Variants in TTN observed in about 807,000 individuals in gnomAD.
The protein encoded by TTN is titin, also known as connectin.
In TTN, 1,525 loss-of-function variants were observed where a neutral mutation model predicts 3,223.0. The ratio of observed to expected loss-of-function variants is 0.47; its 90% CI spans 0.45 to 0.49. The LOEUF (loss-of-function observed/expected upper bound fraction) is 0.49. Among genes scored for constraint, TTN ranks in the 20% least tolerant of loss-of-function variants. The probability of loss-of-function intolerance (pLI) is 0.00; values close to 1 mark genes in which losing one functional copy is unlikely to be tolerated. For missense variants in TTN, 40,786 were observed against 43,424.0 expected (o/e 0.94, Z 5.40); for synonymous variants, 14,094 against 15,161.0 (o/e 0.93, Z 5.17).
In TTN at chr2:178,594,507, C is replaced by A. The variant is rs375818281; in HGVS notation, c.57987G>T (p.Glu19329Asp). The change falls in exon 296 of 363, where the codon GAG (glutamate) becomes GAT (aspartate). Residue 19329 changes from glutamate to aspartate, a missense_variant. By Grantham distance (45) the Glu-to-Asp change is conservative. Coordinates refer to ENST00000589042, the MANE Select transcript of TTN (RefSeq NM_001267550.2). ...TGTCATTTGTAACTTTGTGGAACTT[C>A]TCAGTCCCAATGAGCCGACTTTCTA... ...YVLESRLIGT[E>D]KFHKVTNDNL... 2.5e-6 allele frequency: 4 copies of A among 1,613,260 alleles called. No individual in the cohort carries two copies. The African/African-American group carries it at 5.3e-5, about 22-fold the overall frequency.
chr2:178,562,923 T>C lies in TTN; in HGVS notation c.83209A>G (p.Thr27737Ala), dbSNP rs764871079. 3.1e-6 allele frequency: 5 copies of C among 1,613,590 alleles called. No homozygotes were observed. In the East Asian group the frequency reaches 8.9e-5, roughly 29 times the overall value. The change falls in exon 326 of 363, where the codon ACC (threonine) becomes GCC (alanine). Residue 27737 changes from threonine (T) to alanine (A), a missense_variant. By Grantham distance (58) the Thr-to-Ala change is moderately conservative. Transcript: ENST00000589042. ...SFTMLVIDNV[T>A]RFDSGRYNLT... ...TTATACCGACCACTGTCAAATCTGG[T>C]AACATTATCAATCACCAACATTGTA...
In TTN at chr2:178,636,435, G is replaced by C. The variant is rs1417225547; in HGVS notation, c.41292C>G (p.Asn13764Lys). The C allele has an allele frequency of 1.2e-6, 2 of 1,611,156 alleles. No homozygotes were observed. The highest frequency in any genetic ancestry group is 3.3e-5 in the Admixed American group (2 of 59,760). Reference protein sequence around the residue: ...GEYTCVLRLGNKEKTSTAKLV... With the variant: ...GEYTCVLRLGKKEKTSTAKLV... Reference sequence around the variant, plus strand: ...GTTTAGCCGTGGAGGTCTTTTCTTTGTTTCCCAAACGTAAAACACAGGTGT... The same window carrying C: ...GTTTAGCCGTGGAGGTCTTTTCTTTCTTTCCCAAACGTAAAACACAGGTGT... Residue 13764 changes from asparagine (N) to lysine (K), a missense_variant, in exon 225 of 363, where the codon AAC becomes AAG. By Grantham distance (94) the Asn-to-Lys change is moderately conservative. Coordinates refer to ENST00000589042, the MANE Select transcript of TTN (RefSeq NM_001267550.2). The surrounding 1 kb of genome is among the most constrained non-coding windows in gnomAD (Gnocchi z 4.3).
chr2:178,613,403 G>T, intron 263 of TTN, 127 bp from the exon 264 acceptor site: 1 of 815,686 alleles, frequency 1.2e-6, no homozygotes, highest in Non-Finnish European at 1.9e-6. Context: ...TAACTGAAAA[G>T]CACTTCAATA....
At chr2:178,685,046 T>C (rs912378823) in intron 129 of TTN, 57 bp from the exon 130 acceptor site, 11 of 1,397,140 alleles carry the variant, frequency 7.9e-6, no homozygotes, top group African/African-American at 4.3e-5. Context: ...AGTGACACAG[T>C]TGTGGGGCTT....
Position 178,564,785 on chromosome 2 carries a change from C to T in TTN, c.81347G>A (p.Ser27116Asn), listed in dbSNP as rs1234317183. ...GYHLEQKEKNSILWVKLNKTP... is the reference protein window; with the variant it reads ...GYHLEQKEKNNILWVKLNKTP... Reference sequence around the variant, plus strand: ...CTTATTTAACTTGACCCATAAAATACTGTTCTTTTCTTTCTGTTCAAGATG... The same window carrying T: ...CTTATTTAACTTGACCCATAAAATATTGTTCTTTTCTTTCTGTTCAAGATG... The change falls in exon 326 of 363, where the codon AGT (serine) becomes AAT (asparagine). Residue 27116 changes from serine (S) to asparagine (N), a missense_variant. Ser to Asn is a conservative substitution (Grantham distance 46). Coordinates refer to ENST00000589042, the MANE Select transcript of TTN (RefSeq NM_001267550.2). 6 of 1,612,026 alleles carry T rather than the reference C, an allele frequency of 3.7e-6. No individual in the cohort carries two copies. The highest frequency in any genetic ancestry group is 1.7e-5 in the Admixed American group (1 of 59,742).
chr2:178,558,217 A>T lies in TTN; in HGVS notation c.87137T>A (p.Met29046Lys). 1.2e-6 allele frequency: 2 copies of T among 1,606,946 alleles called. No individual in the cohort carries two copies. The highest frequency in any genetic ancestry group is 1.7e-6 in the Non-Finnish European group (2 of 1,178,358). Residue 29046 changes from methionine (M) to lysine (K), a missense_variant, in exon 328 of 363, where the codon ATG becomes AAG. Met to Lys is a moderately conservative substitution (Grantham distance 95). Transcript: ENST00000589042. ...KEQLEPPEID[M>K]KNFPSHTVYV... ...TACAGTGTGACTTGGGAAATTCTTC[A>T]TATCAATTTCAGGTGGTTCTGAAAA...
intron 157 of TTN, 24 bp downstream of exon 157, chr2:178,670,194 T>C (rs763089819): frequency 7.6e-5 from 107 of 1,405,458 alleles, no homozygotes; most frequent in Middle Eastern, 1.9e-4. Flanking sequence ...TTTATATTAA[T>C]GATGAATGAG....
rs370096570 is a variant in TTN at position 178,532,795 on chromosome 2, G to A, written c.103820C>T (p.Pro34607Leu). ...GTATTGATCTGTAATGCGTGGAAGAGGCATCACATAGAACTGTTCCCATCT... is the reference window on the plus strand; with the variant it reads ...GTATTGATCTGTAATGCGTGGAAGAAGCATCACATAGAACTGTTCCCATCT... ...LSRWEQFYVMPLPRITDQYRP... is the reference protein window; with the variant it reads ...LSRWEQFYVMLLPRITDQYRP... Residue 34607 changes from proline (P) to leucine (L), a missense_variant, in exon 358 of 363, where the codon CCT (proline) becomes CTT (leucine). Physicochemically the swap from Pro to Leu is moderately conservative, Grantham distance 98 (BLOSUM62 -3). Transcript: ENST00000589042. 6.8e-6 allele frequency: 11 copies of A among 1,613,820 alleles called. No homozygotes were observed. The highest frequency in any genetic ancestry group is 8.5e-6 in the Non-Finnish European group (10 of 1,179,872).
chr2:178,636,580 A>G lies in TTN; in HGVS notation c.41147T>C (p.Ile13716Thr). The G allele has an allele frequency of 1.2e-6, 2 of 1,613,466 alleles. No individual in the cohort carries two copies. Among genetic ancestry groups the G allele is most frequent in the South Asian group, 2.2e-5 (2 of 91,076 alleles). The stretch of plus-strand genomic sequence containing the variant: ...GCTACCGTCTTTCATCCAGGTTGTA[A>G]TTGCAGTGGAAGGGGAGACCAAACA... ...FECLVSPSTA[I>T]TTWMKDGSNI... The change falls in exon 225 of 363, where the codon ATT becomes ACT. Residue 13716 changes from isoleucine (I) to threonine (T), a missense_variant. Coordinates refer to ENST00000589042, the MANE Select transcript of TTN (RefSeq NM_001267550.2). This position sits in a 1 kb window ranked among gnomAD's most constrained non-coding sequence, Gnocchi z 4.3.
rs754992982 is a variant in TTN at position 178,597,600 on chromosome 2, T to C, written c.57482A>G (p.Tyr19161Cys). 2 of 1,613,186 alleles carry C rather than the reference T, an allele frequency of 1.2e-6. No homozygotes were observed. Among genetic ancestry groups the C allele is most frequent in the South Asian group, 2.2e-5 (2 of 91,076 alleles). Reference protein sequence around the residue: ...KNCQRSHQGVYSLLAKNEAGE... With the variant: ...KNCQRSHQGVCSLLAKNEAGE... ...GGCTTCATTTTTGGCAAGAAGAGAA[T>C]AGACGCCTTGATGGCTCCTCTGGCA... Residue 19161 changes from tyrosine (Y) to cysteine (C), a missense_variant, in exon 294 of 363, where the codon TAT becomes TGT. By Grantham distance (194) the Tyr-to-Cys change is radical. Transcript: ENST00000589042.
intron 332 of TTN, 112 bp downstream of exon 332, chr2:178,554,341 G>GA (rs1420126806): frequency 1.3e-5 from 18 of 1,416,142 alleles, no homozygotes; most frequent in Non-Finnish European, 1.6e-5. Context: ...TTGTGAAAAG[G>GA]ATGGTAATGA....
In TTN at chr2:178,605,072, C is replaced by T. The variant is rs371155050; in HGVS notation, c.54105G>A (p.Ala18035=). ...EAKTELSIPK[A]VREDKGTYTV... ...TGTAAGTGCCTTTGTCCTCCCGGAC[C>T]GCTTTGGGAATGCTAAGCTCAGTTT... The change falls in exon 280 of 363, where the codon GCG becomes GCA. Residue 18035 remains alanine (A), a synonymous_variant. Coordinates refer to ENST00000589042, the MANE Select transcript of TTN (RefSeq NM_001267550.2). 197 of 1,612,550 alleles carry T rather than the reference C, an allele frequency of 1.2e-4. 1 individual carries two copies. Among genetic ancestry groups the T allele is most frequent in the South Asian group, 7.7e-4 (70 of 90,988 alleles).
At position 178,572,271 on chromosome 2, in the gene TTN, C is replaced by G. The variant is rs776476061; in HGVS notation, c.73861G>C (p.Gly24621Arg). 11 of 1,613,094 alleles carry G rather than the reference C, an allele frequency of 6.8e-6. No individual in the cohort carries two copies. In the South Asian group the frequency reaches 9.9e-5, roughly 14 times the overall value. The stretch of plus-strand genomic sequence containing the variant: ...GTGACATCCATCAAAGTTATTTTTC[C>G]TGGAGGAAGAGGTCGTTCTGATGCT... ...VKASERPLPP[G>R]KITLMDVTRN... Residue 24621 changes from glycine (G) to arginine (R), a missense_variant, in exon 326 of 363, where the codon GGA (glycine) becomes CGA (arginine). Transcript: ENST00000589042.
Position 178,611,032 on chromosome 2 carries a change from G to C in TTN, c.51097C>G (p.Leu17033Val). 6.2e-7 allele frequency: 1 copy of C among 1,612,618 alleles called. No individual in the cohort carries two copies. Among genetic ancestry groups the C allele is most frequent in the East Asian group, 2.2e-5 (1 of 44,730 alleles). Reference sequence around the variant, plus strand: ...TTGATTGAGGCTGTTGCTGAGCCGAGCTTATTCTCCAGTGTAATGGTATAA... The same window carrying C: ...TTGATTGAGGCTGTTGCTGAGCCGACCTTATTCTCCAGTGTAATGGTATAA... The part of the protein sequence containing the change: ...GIYTITLENK[L>V]GSATASINVK... Residue 17033 changes from leucine to valine, a missense_variant, in exon 270 of 363, where the codon CTC becomes GTC. Transcript: ENST00000589042.
In TTN at chr2:178,575,677, G is replaced by C; in HGVS notation, c.70455C>G (p.Ala23485=). 6.2e-7 allele frequency: 1 copy of C among 1,613,506 alleles called. No individual in the cohort carries two copies. The highest frequency in any genetic ancestry group is 1.1e-5 in the South Asian group (1 of 91,060). Residue 23485 remains alanine (A), a synonymous_variant, in exon 326 of 363, where the codon GCC becomes GCG. Transcript: ENST00000589042. The surrounding 1 kb of genome is among the most constrained non-coding windows in gnomAD (Gnocchi z 4.0). The stretch of plus-strand genomic sequence containing the variant: ...ATGTGCATTTATGGCACTTAGTGGT[G>C]GCTGTGGAATAAGATTTCCGTGTTG... ...REATRKSYST[A]TTKCHKCTYK...
At position 178,614,924 on chromosome 2, in the gene TTN, C is replaced by T. The variant is rs368806005; in HGVS notation, c.48683G>A (p.Arg16228His). The T allele has an allele frequency of 8.6e-5, 137 of 1,593,164 alleles. No individual in the cohort carries two copies. The highest frequency in any genetic ancestry group is 2.4e-4 in the Admixed American group (14 of 57,164). The change falls in exon 260 of 363, where the codon CGC becomes CAC. Residue 16228 changes from arginine to histidine, a missense_variant. Coordinates refer to ENST00000589042, the MANE Select transcript of TTN (RefSeq NM_001267550.2). ...GLEEGKWYAY[R>H]VKALNRQGAS... ...ACCCTGCCTGTTTAAGGCCTTCACG[C>T]GGTAGGCATACCATTTGCCTTCCTC... is the stretch of plus-strand genomic sequence containing the variant.
At position 178,571,538 on chromosome 2, in the gene TTN, C is replaced by T; in HGVS notation, c.74594G>A (p.Arg24865Lys). 6.2e-7 allele frequency: 1 copy of T among 1,613,204 alleles called. No individual in the cohort carries two copies. Among genetic ancestry groups the T allele is most frequent in the Non-Finnish European group, 8.5e-7 (1 of 1,179,568 alleles). Reference protein sequence around the residue: ...TWQIVSATVARTTIKACRLKT... With the variant: ...TWQIVSATVAKTTIKACRLKT... The stretch of plus-strand genomic sequence containing the variant: ...CAGTCTGCAAGCCTTTATTGTTGTC[C>T]TTGCAACTGTAGCTGATACAATTTG... The change falls in exon 326 of 363, where the codon AGG (arginine) becomes AAG (lysine). Residue 24865 changes from arginine (R) to lysine (K), a missense_variant. Physicochemically the swap from Arg to Lys is conservative, Grantham distance 26. Transcript: ENST00000589042.
rs1312425985 is a variant in TTN at position 178,615,446 on chromosome 2, G to A, written c.48499C>T (p.Arg16167Ter). ...GTTAAGAAGATGCTATTGGCTGTTCGATCTCTCCATTTAACATTCTCTGGT... is the reference window on the plus strand; with the variant it reads ...GTTAAGAAGATGCTATTGGCTGTTCAATCTCTCCATTTAACATTCTCTGGT... ...DPPENVKWRD[R>*]TANSIFLTWD... is the part of the protein sequence containing the mutation. The change falls in exon 259 of 363, where the codon CGA becomes TGA. Residue 16167 changes from arginine to a stop codon, truncating the protein, a stop_gained. Transcript: ENST00000589042. LOFTEE classifies it high-confidence loss of function. 2.5e-6 allele frequency: 4 copies of A among 1,612,258 alleles called. No homozygotes were observed. The highest frequency in any genetic ancestry group is 1.1e-5 in the South Asian group (1 of 90,940).
Position 178,635,276 on chromosome 2 carries a change from T to C in TTN, c.41913A>G (p.Ile13971Met). Residue 13971 changes from isoleucine (I) to methionine (M), a missense_variant, in exon 228 of 363, where the codon ATA becomes ATG. Coordinates refer to ENST00000589042, the MANE Select transcript of TTN (RefSeq NM_001267550.2). ...CTTTCTCATAAATGGTAACGTCCTCTATTGGTTTAAGCAGTTCAACTTCAC... is the reference window on the plus strand; with the variant it reads ...CTTTCTCATAAATGGTAACGTCCTCCATTGGTTTAAGCAGTTCAACTTCAC... Reference protein sequence around the residue: ...GEREVELLKPIEDVTIYEKES... With the variant: ...GEREVELLKPMEDVTIYEKES... 1 of 1,613,338 alleles carries C rather than the reference T, an allele frequency of 6.2e-7. No homozygotes were observed. Among genetic ancestry groups the C allele is most frequent in the Non-Finnish European group, 8.5e-7 (1 of 1,179,536 alleles).
Sources: allele counts gnomAD v4.1 joint callset, GRCh38; gene constraint gnomAD v4.1.1; non-coding constraint Gnocchi (gnomAD v3.1); transcripts MANE v1.5; gene names NCBI Gene and HGNC (gene_info 2026-07-23, HGNC 2026-07-21).